Variants in MIER3 observed in about 807,000 individuals in gnomAD.
The protein encoded by MIER3 is MIER family member 3, also known as mesoderm induction early response protein 3.
Under a neutral mutation model 63.2 loss-of-function variants are expected in MIER3, and 9 were observed. The ratio of observed to expected loss-of-function variants is 0.14; its 90% CI spans 0.09 to 0.25. The LOEUF is 0.25. MIER3 is among the 10% of genes least tolerant of loss of function. The pLI is 1.00. For synonymous variants in MIER3, 205 were observed against 224.9 expected, an observed-to-expected ratio of 0.91 and a Z score of 0.79; for missense variants, 512 against 666.2, an observed-to-expected ratio of 0.77 and a Z score of 2.55.
chr5:56,926,110 A>G (rs900966744), intron 10 of MIER3, among the ~76,000 whole-genome samples: 4 of 152,168 alleles, frequency 2.6e-5, no homozygotes, highest in African/African-American at 9.6e-5. Flanking sequence ...AAAATGGATT[A>G]TAGACCTAAA....
intron 7 of MIER3, among the ~76,000 whole-genome samples, chr5:56,933,761 A>G (rs890804608): frequency 2.0e-5 from 3 of 152,138 alleles, no homozygotes; most frequent in African/African-American, 4.8e-5. Context: ...ACCTCATTGG[A>G]CTTTTCTCTT....
intron 3 of MIER3, among the ~76,000 whole-genome samples, chr5:56,945,156 A>G (rs1366429432): frequency 1.3e-5 from 2 of 152,204 alleles, no homozygotes; most frequent in Non-Finnish European, 1.5e-5. Flanking sequence ...AAAAGTAGAA[A>G]TAAGAACTCT....
intron 2 of MIER3, among the ~76,000 whole-genome samples, chr5:56,948,523 G>A (rs1239476576): frequency 3.9e-5 from 6 of 152,016 alleles, no homozygotes; most frequent in Non-Finnish European, 7.4e-5. Flanking sequence ...AAAATTAGCC[G>A]GGCATGGTGG....
intron 3 of MIER3, among the ~76,000 whole-genome samples, chr5:56,945,190 G>A (rs1750786818): frequency 6.6e-6 from 1 of 152,196 alleles, no homozygotes; most frequent in South Asian, 2.1e-4. Flanking sequence ...CCAGCCAGGT[G>A]TGGTGGCTCA....
intron 2 of MIER3, among the ~76,000 whole-genome samples, chr5:56,947,480 T>C (rs1176949915): frequency 6.6e-6 from 1 of 152,194 alleles, no homozygotes; most frequent in East Asian, 1.9e-4. Context: ...AAGAATCGAC[T>C]ATACACTAAG....
intron 3 of MIER3, chr5:56,941,184 G>C: frequency 1.0e-6 from 1 of 977,922 alleles, no homozygotes; most frequent in South Asian, 4.7e-5. Context: ...AGGATGTAAG[G>C]ATGAGTTAGC....
At chr5:56,935,801 C>G (rs1481870837) in intron 5 of MIER3, 50 bp from the exon 6 acceptor site, 11 of 1,375,416 alleles carry the variant, frequency 8.0e-6, no homozygotes, top group Non-Finnish European at 1.1e-5. Context: ...TTTGCAGAAC[C>G]TGGAAGAATG....
intron 2 of MIER3, among the ~76,000 whole-genome samples, chr5:56,947,468 A>G (rs574386567): frequency 6.6e-6 from 1 of 152,218 alleles, no homozygotes; most frequent in African/African-American, 2.4e-5. Flanking sequence ...GGAAGATTTC[A>G]CAAGAATCGA....
chr5:56,923,619 G>T (rs1266796602), intron 12 of MIER3, 34 bp from the exon 13 acceptor site: 1 of 1,612,452 alleles, frequency 6.2e-7, no homozygotes, highest in Non-Finnish European at 8.5e-7. Flanking sequence ...TAAGTAAGTG[G>T]TCCTATGACA....
intron 10 of MIER3, 181 bp downstream of exon 10, chr5:56,928,586 T>A: frequency 2.1e-6 from 1 of 484,432 alleles, no homozygotes; most frequent in Non-Finnish European, 3.7e-6. Context: ...GAATATACTA[T>A]CAGCCATTCC....
intron 3 of MIER3, among the ~76,000 whole-genome samples, chr5:56,943,707 G>C (rs1450894578): frequency 1.3e-5 from 2 of 152,174 alleles, no homozygotes; most frequent in African/African-American, 4.8e-5. Flanking sequence ...CTCTCTTTGA[G>C]AGCCTATTAA....
At chr5:56,925,239 A>G (rs939781967) in intron 10 of MIER3, 8 of 383,220 alleles carry the variant, frequency 2.1e-5, no homozygotes, top group Non-Finnish European at 3.5e-5. Context: ...TTCAACATCA[A>G]TACTGGAAGG....
chr5:56,938,238 T>C (rs1322383515), intron 4 of MIER3: 12 of 471,032 alleles, frequency 2.5e-5, no homozygotes, highest in African/African-American at 2.2e-4. Flanking sequence ...CTATGGTCAT[T>C]AAGGTCTGTG....
intron 8 of MIER3, among the ~76,000 whole-genome samples, chr5:56,932,600 C>T (rs1750307237): frequency 6.6e-6 from 1 of 152,072 alleles, no homozygotes; most frequent in South Asian, 2.1e-4. Flanking sequence ...AGAATGATCT[C>T]AGAGGGGCAA....
In MIER3 at chr5:56,930,675, T is replaced by C. The variant is rs777583499; in HGVS notation, c.818A>G (p.Lys273Arg). 7.4e-6 allele frequency: 12 copies of C among 1,613,864 alleles called. No individual in the cohort carries two copies. In the Admixed American group the frequency reaches 1.8e-4, roughly 25 times the overall value. ...EAIERYCCNG[K>R]ASQEGMTAWT... ...CAAGTGTTTCTTACCTTGAGAGGCC[T>C]TTCCATTGCAGCAGTATCTTTCGAT... The change falls in exon 9 of 13, where the codon AAG (lysine) becomes AGG (arginine). Residue 273 changes from lysine (K) to arginine (R), a missense_variant. Lys to Arg is a conservative substitution (Grantham distance 26, BLOSUM62 2). This residue lies in a region of MIER3 where 118 missense variants were observed against 133.6 expected (regional missense o/e 0.88). Coordinates refer to ENST00000381199, the MANE Select transcript of MIER3 (RefSeq NM_001297599.2).
chr5:56,944,060 A>G (rs977182924), intron 3 of MIER3, among the ~76,000 whole-genome samples: 1 of 152,166 alleles, frequency 6.6e-6, no homozygotes, highest in African/African-American at 2.4e-5. Context: ...ATTTCCTCAC[A>G]TACCATCATT....
chr5:56,927,946 T>C (rs557298716), intron 10 of MIER3: 2 of 152,274 alleles, frequency 1.3e-5, no homozygotes, highest in East Asian at 3.9e-4. Flanking sequence ...TTTCAGAATA[T>C]CATATATTTG....
intron 7 of MIER3, among the ~76,000 whole-genome samples, chr5:56,934,769 C>T (rs987408752): frequency 3.3e-5 from 5 of 152,148 alleles, no homozygotes; most frequent in Non-Finnish European, 7.3e-5. Context: ...GCTGCTTTTG[C>T]CCTTGTGACT....
intron 10 of MIER3, chr5:56,925,360 C>T (rs1749913927): frequency 2.2e-6 from 1 of 453,360 alleles, no homozygotes; most frequent in African/African-American, 2.0e-5. Flanking sequence ...GTAGAAAACT[C>T]CAAAGAATCA....
Sources: allele counts gnomAD v4.1 joint callset (sites outside exome capture counted in the v4.1 genomes callset), GRCh38; gene constraint gnomAD v4.1.1; regional missense constraint gnomAD v4.1.1; transcripts MANE v1.5; gene names NCBI Gene and HGNC (gene_info 2026-07-23, HGNC 2026-07-21).